The following CCDC30 variants were observed in gnomAD, a reference collection of about 807,000 sequenced individuals.
CCDC30 encodes coiled-coil domain-containing protein 30.
In CCDC30, 70 loss-of-function variants were observed where a neutral mutation model predicts 100.2. That is an observed-to-expected ratio of 0.70 (90% CI 0.58 to 0.85). The LOEUF (loss-of-function observed/expected upper bound fraction) is 0.85. CCDC30 is among the 40% of genes least tolerant of loss of function. The probability of loss-of-function intolerance (pLI) is 0.00; values close to 1 mark genes in which losing one functional copy is unlikely to be tolerated. For synonymous variants in CCDC30, 233 were observed against 269.5 expected (o/e 0.86, Z 1.33); for missense variants, 652 against 771.2 (o/e 0.85, Z 1.83).
intron 6 of CCDC30, among the ~76,000 whole-genome samples, chr1:42,518,912 T>C (rs1230804700): frequency 6.6e-6 from 1 of 152,238 alleles, no homozygotes; most frequent in South Asian, 2.1e-4. Flanking sequence ...TAATGTTCAC[T>C]GTGGATTTTT....
chr1:42,641,952 A>G (rs12074543), intron 12 of CCDC30, among the ~76,000 whole-genome samples: 3,463 of 152,254 alleles, frequency 0.023, 146 homozygotes, highest in African/African-American at 0.078. Context: ...TGGGCTGGGC[A>G]TGGTGGCTCA....
intron 6 of CCDC30, among the ~76,000 whole-genome samples, chr1:42,518,704 A>G (rs1400054131): frequency 3.3e-5 from 5 of 152,180 alleles, no homozygotes; most frequent in African/African-American, 4.8e-5. Context: ...ATTTCTTAGG[A>G]TGTATTCCTG....
At chr1:42,457,240 T>A in the CCDC30 span, 1 of 1,614,160 alleles carries the variant, frequency 6.2e-7, no homozygotes, top group Non-Finnish European at 8.5e-7. Context: ...TGTGTTTCTC[T>A]TTGCAGGCCC....
At chr1:42,577,267 A>G (rs1188621199) in intron 8 of CCDC30, 38 bp downstream of exon 12, 10 of 1,259,510 alleles carry the variant, frequency 7.9e-6, no homozygotes, top group Non-Finnish European at 8.1e-6. Context: ...CATACACTGA[A>G]TACCACTACT....
intron 10 of CCDC30, among the ~76,000 whole-genome samples, chr1:42,609,308 C>T (rs940000498): frequency 6.6e-6 from 1 of 152,074 alleles, no homozygotes; most frequent in Non-Finnish European, 1.5e-5. Flanking sequence ...ATTTTATTTT[C>T]TCTAGTTTAC....
intron 15 of CCDC30, among the ~76,000 whole-genome samples, chr1:42,652,883 T>C (rs2148701544): frequency 6.6e-6 from 1 of 152,158 alleles, no homozygotes; most frequent in South Asian, 2.1e-4. Flanking sequence ...GGGGGAGGAA[T>C]AAATGGGGAG....
At chr1:42,614,578 G>A (rs1646689498) in intron 11 of CCDC30, among the ~76,000 whole-genome samples, 1 of 151,652 alleles carries the variant, frequency 6.6e-6, no homozygotes, top group African/African-American at 2.4e-5. Flanking sequence ...CGTGAGCTCA[G>A]GAGTTCAAGA....
chr1:42,511,046 A>G (rs1644470305), intron 6 of CCDC30, among the ~76,000 whole-genome samples: 1 of 152,072 alleles, frequency 6.6e-6, no homozygotes, highest in African/African-American at 2.4e-5. Flanking sequence ...TAGAAAGAGA[A>G]GCGAGAAAAA....
At chr1:42,583,052 T>C (rs1411170474) in intron 9 of CCDC30, among the ~76,000 whole-genome samples, 1 of 152,208 alleles carries the variant, frequency 6.6e-6, no homozygotes, top group Non-Finnish European at 1.5e-5. Flanking sequence ...CAGTCTTCAA[T>C]TAGGGCACAA....
chr1:42,457,658 A>G, the CCDC30 span: 1 of 363,952 alleles, frequency 2.7e-6, no homozygotes, highest in Non-Finnish European at 5.1e-6. Context: ...ACTGGGTTTT[A>G]AAAGATGAGC....
chr1:42,637,154 C>A, intron 11 of CCDC30, 83 bp from the exon 16 acceptor site: 2 of 1,069,492 alleles, frequency 1.9e-6, no homozygotes, highest in Non-Finnish European at 2.7e-6. Flanking sequence ...AAGAAGAGGA[C>A]ACCCAAGAAA....
chr1:42,511,651 C>T (rs762671419), intron 6 of CCDC30, among the ~76,000 whole-genome samples: 1 of 152,014 alleles, frequency 6.6e-6, no homozygotes, highest in Non-Finnish European at 1.5e-5. Context: ...CAGAGTTTTC[C>T]CATTTACAGA....
intron 12 of CCDC30, 113 bp downstream of exon 16, chr1:42,637,491 C>T (rs1647183719): frequency 1.0e-6 from 1 of 971,286 alleles, no homozygotes; most frequent in Non-Finnish European, 1.5e-6. Flanking sequence ...TCCTCGTTTT[C>T]ATTTCTTTTC....
At chr1:42,489,186 A>T (rs1456421607) in intron 3 of CCDC30, among the ~76,000 whole-genome samples, 1 of 152,202 alleles carries the variant, frequency 6.6e-6, no homozygotes, top group Non-Finnish European at 1.5e-5. Flanking sequence ...CAGTGTAAAC[A>T]GACTTAGGTT....
rs556078782 is a variant in CCDC30 at position 42,507,569 on chromosome 1, A to G, written c.456+8653A>G. On this transcript the variant is annotated intron_variant, in intron 6 of 16. Coordinates refer to ENST00000668663, the Ensembl canonical transcript of CCDC30. ...ATACTTTCTTATAATCTCTTACTAAAAAACATATTTTACTGTTTTTACACA... is the reference window on the plus strand; with the variant it reads ...ATACTTTCTTATAATCTCTTACTAAGAAACATATTTTACTGTTTTTACACA... 2.6e-5 allele frequency among the ~76,000 whole-genome samples: 4 copies of G among 152,356 alleles called. No individual in the cohort carries two copies. The South Asian group carries it at 6.2e-4, about 24-fold the overall frequency.
At chr1:42,541,177 G>A (rs1283186135) in intron 6 of CCDC30, among the ~76,000 whole-genome samples, 1 of 152,240 alleles carries the variant, frequency 6.6e-6, no homozygotes, top group East Asian at 1.9e-4. Context: ...AGTGTCTGGT[G>A]AGGGCATTCT....
intron 11 of CCDC30, among the ~76,000 whole-genome samples, chr1:42,636,025 T>C (rs549129876): frequency 6.6e-6 from 1 of 152,232 alleles, no homozygotes; most frequent in East Asian, 1.9e-4. Context: ...CTTCATTTCC[T>C]TAATGGCTAG....
At chr1:42,478,071 G>A (rs1388908560) in intron 1 of CCDC30, among the ~76,000 whole-genome samples, 1 of 152,098 alleles carries the variant, frequency 6.6e-6, no homozygotes, top group Non-Finnish European at 1.5e-5. Context: ...TGATGTTCCT[G>A]GACTATGCTA....
intron 6 of CCDC30, among the ~76,000 whole-genome samples, chr1:42,550,348 TG>T (rs1645225518): frequency 6.6e-6 from 1 of 152,166 alleles, no homozygotes; most frequent in Non-Finnish European, 1.5e-5. Context: ...AGTAGCCAAA[TG>T]GTCTTTTCTA....
Sources: allele counts gnomAD v4.1 joint callset (sites outside exome capture counted in the v4.1 genomes callset), GRCh38; gene constraint gnomAD v4.1.1; transcripts MANE v1.5; gene names NCBI Gene and HGNC (gene_info 2026-07-23, HGNC 2026-07-21).